DLGAP2: variants seen among roughly 807,000 people sequenced by gnomAD.
DLGAP2 encodes DLG associated protein 2.
Under a neutral mutation model 100.3 loss-of-function variants are expected in DLGAP2, and 26 were observed. That is an observed-to-expected ratio of 0.26 (90% CI 0.19 to 0.36). The LOEUF is 0.36. Among genes scored for constraint, DLGAP2 ranks in the 10% least tolerant of loss-of-function variants. The pLI, the probability that DLGAP2 is intolerant of heterozygous loss-of-function variation, is 1.00. For synonymous variants in DLGAP2, 886 were observed against 630.1 expected, an observed-to-expected ratio of 1.41 and a Z score of -6.08; for missense variants, 1,858 against 1,453.2, an observed-to-expected ratio of 1.28 and a Z score of -4.53.
intron 3 of DLGAP2, among the ~76,000 whole-genome samples, chr8:1,492,214 T>C (rs1022255776): frequency 1.3e-5 from 2 of 152,234 alleles, no homozygotes; most frequent in Admixed American, 1.3e-4. Flanking sequence ...AAGCCATTAG[T>C]AATCATTACG....
At chr8:1,281,794 G>A (rs1050343122) in intron 3 of DLGAP2, among the ~76,000 whole-genome samples, 4 of 152,152 alleles carry the variant, frequency 2.6e-5, no homozygotes, top group Admixed American at 6.5e-5. Flanking sequence ...GTGGAGGGAC[G>A]CGGTCCCACC....
chr8:766,806 C>A (rs927465707), intron 1 of DLGAP2, among the ~76,000 whole-genome samples: 1 of 152,222 alleles, frequency 6.6e-6, no homozygotes, highest in Non-Finnish European at 1.5e-5. Flanking sequence ...GACACTGTGT[C>A]CATCCTGAGG....
At chr8:1,351,852 G>T (rs796584118) in intron 3 of DLGAP2, among the ~76,000 whole-genome samples, 3 of 66,360 alleles carry the variant, frequency 4.5e-5, no homozygotes, top group Non-Finnish European at 9.9e-5. Context: ...CTGAGTGTGC[G>T]TGGAAAGGCC....
chr8:1,530,485 G>A (rs1053389128), intron 4 of DLGAP2, among the ~76,000 whole-genome samples: 19 of 152,172 alleles, frequency 1.2e-4, no homozygotes, highest in Admixed American at 1.0e-3. Flanking sequence ...TGTACAATTT[G>A]TGCAGTTAAT....
chr8:831,816 T>C lies in DLGAP2; in HGVS notation c.19-76096T>C, dbSNP rs965080825. The stretch of plus-strand genomic sequence containing the variant: ...CTGTCTTTCACAATGGTTGAACTAA[T>C]TTACATTCCCACCAACAGTGTAAAA... On this transcript the variant is annotated intron_variant, in intron 1 of 14. Transcript: ENST00000637795. Among the ~76,000 whole-genome samples the C allele has an allele frequency of 2.6e-5, 4 of 152,168 alleles. No homozygotes were observed. The East Asian group carries it at 7.7e-4, about 29-fold the overall frequency.
chr8:1,161,241 G>T (rs1796883140), intron 2 of DLGAP2, among the ~76,000 whole-genome samples: 1 of 152,132 alleles, frequency 6.6e-6, no homozygotes, highest in African/African-American at 2.4e-5. Context: ...AGAACCATCA[G>T]CTGGTTTTAA....
chr8:1,683,469 C>T (rs1799011837), intron 12 of DLGAP2, among the ~76,000 whole-genome samples: 1 of 151,438 alleles, frequency 6.6e-6, no homozygotes, highest in Non-Finnish European at 1.5e-5. Flanking sequence ...CCGGGGCATT[C>T]CCCATACCCT....
intron 4 of DLGAP2, among the ~76,000 whole-genome samples, chr8:1,537,397 A>G (rs1197019880): frequency 6.6e-6 from 1 of 152,138 alleles, no homozygotes; most frequent in African/African-American, 2.4e-5. Context: ...TGTCATTAAA[A>G]TGATTACCTA....
chr8:1,581,163 A>G (rs1227120534), intron 6 of DLGAP2, among the ~76,000 whole-genome samples: 7 of 151,654 alleles, frequency 4.6e-5, no homozygotes, highest in Admixed American at 3.3e-4. Flanking sequence ...CCAGAAGAGA[A>G]GGATACAGAC....
rs1799635328 is a variant in DLGAP2 at position 1,703,782 on chromosome 8, G to A, written c.*2376G>A. ...GTAGGTTGATTTCTTATGTTTTGTA[G>A]ACTCATTGTTATTTTTCAATCCCCA... On this transcript the variant is annotated 3_prime_UTR_variant, in exon 15 of 15. Transcript: ENST00000637795. 6.6e-6 allele frequency: 1 copy of A among 152,480 alleles called. No homozygotes were observed. Among genetic ancestry groups the A allele is most frequent in the Admixed American group, 6.5e-5 (1 of 15,276 alleles). The allele number at this position is 152,480 out of a possible 1,614,324, so 9.4% of individuals were successfully genotyped here.
intron 4 of DLGAP2, among the ~76,000 whole-genome samples, chr8:1,533,607 A>T (rs1018527395): frequency 6.6e-6 from 1 of 152,208 alleles, no homozygotes; most frequent in Non-Finnish European, 1.5e-5. Flanking sequence ...TAAATTTTAA[A>T]TTTTAATTAA....
chr8:1,150,045 T>G (rs545583764), intron 2 of DLGAP2, among the ~76,000 whole-genome samples: 1 of 152,364 alleles, frequency 6.6e-6, no homozygotes, highest in South Asian at 2.1e-4. Context: ...TTAGATTTAG[T>G]GACCCACATA....
intron 2 of DLGAP2, among the ~76,000 whole-genome samples, chr8:1,090,271 C>CA (rs956934215): frequency 6.6e-6 from 1 of 150,948 alleles, no homozygotes; most frequent in Non-Finnish European, 1.5e-5. Context: ...TGCCTGTCTG[C>CA]CCTCTGGAGC....
intron 9 of DLGAP2, among the ~76,000 whole-genome samples, chr8:1,668,994 G>T (rs1210673806): frequency 6.6e-6 from 1 of 152,230 alleles, no homozygotes. Flanking sequence ...GCTGCCTAGA[G>T]AGTATGGAGA....
At chr8:1,525,262 C>T (rs922998663) in intron 4 of DLGAP2, among the ~76,000 whole-genome samples, 2 of 144,094 alleles carry the variant, frequency 1.4e-5, no homozygotes, top group African/African-American at 5.3e-5. Flanking sequence ...ACCTTAAAGT[C>T]ATGAGTTCAA....
intron 2 of DLGAP2, among the ~76,000 whole-genome samples, chr8:1,154,733 C>T (rs908960357): frequency 1.3e-5 from 2 of 152,142 alleles, no homozygotes; most frequent in Non-Finnish European, 2.9e-5. Flanking sequence ...CGGAGTCGGT[C>T]AGGATTTCCA....
At chr8:1,672,750 C>G (rs897385082) in intron 10 of DLGAP2, among the ~76,000 whole-genome samples, 2 of 152,258 alleles carry the variant, frequency 1.3e-5, no homozygotes, top group Non-Finnish European at 1.5e-5. Context: ...CTCAAAGCCT[C>G]ACAGGCAGGG....
At chr8:1,376,653 C>A (rs1344506600) in intron 3 of DLGAP2, among the ~76,000 whole-genome samples, 2 of 131,852 alleles carry the variant, frequency 1.5e-5, no homozygotes, top group African/African-American at 2.9e-5. Flanking sequence ...AAGACCCTCA[C>A]TCTGACCCCG....
intron 2 of DLGAP2, among the ~76,000 whole-genome samples, chr8:969,158 A>G (rs1024083963): frequency 6.6e-6 from 1 of 152,138 alleles, no homozygotes; most frequent in Non-Finnish European, 1.5e-5. Context: ...GGCTCACGCA[A>G]TCCCCTCAAA....
Sources: allele counts gnomAD v4.1 joint callset (sites outside exome capture counted in the v4.1 genomes callset), GRCh38; gene constraint gnomAD v4.1.1; transcripts MANE v1.5; gene names NCBI Gene and HGNC (gene_info 2026-07-23, HGNC 2026-07-21).